The following PRKG1 variants were observed in gnomAD, a reference collection of about 807,000 sequenced individuals.
The protein encoded by PRKG1 is protein kinase cGMP-dependent 1.
PRKG1 carries 35 observed loss-of-function variants against 88.1 expected under a neutral mutation model. That is an observed-to-expected ratio of 0.40 (90% CI 0.30 to 0.53). The LOEUF (loss-of-function observed/expected upper bound fraction) is 0.53, where lower values mean the gene tolerates loss of function less well. Among genes scored for constraint, PRKG1 ranks in the 20% least tolerant of loss-of-function variants. The pLI, the probability that PRKG1 is intolerant of heterozygous loss-of-function variation, is 0.59. For missense variants in PRKG1, 540 were observed against 839.8 expected, an observed-to-expected ratio of 0.64 and a Z score of 4.41; for synonymous variants, 303 against 292.5, an observed-to-expected ratio of 1.04 and a Z score of -0.37.
At chr10:52,084,610 A>G (rs1020375692) in intron 7 of PRKG1, among the ~76,000 whole-genome samples, 1 of 151,974 alleles carries the variant, frequency 6.6e-6, no homozygotes, top group African/African-American at 2.4e-5. Context: ...TTTTTCCTGC[A>G]GTATTTGAGA....
intron 4 of PRKG1, among the ~76,000 whole-genome samples, chr10:51,860,278 A>G (rs1260687761): frequency 6.6e-6 from 1 of 152,208 alleles, no homozygotes; most frequent in African/African-American, 2.4e-5. Flanking sequence ...TGTCGCTCAT[A>G]CCTATGTGTC....
chr10:51,137,288 A>G (rs969295912), intron 1 of PRKG1, among the ~76,000 whole-genome samples: 5 of 152,202 alleles, frequency 3.3e-5, no homozygotes, highest in Non-Finnish European at 7.3e-5. Context: ...GTTTAGGTTT[A>G]ACAAGATCCA....
chr10:51,957,580 A>G (rs1589455531), intron 5 of PRKG1, among the ~76,000 whole-genome samples: 1 of 152,280 alleles, frequency 6.6e-6, no homozygotes, highest in East Asian at 1.9e-4. Flanking sequence ...GGCATAAGCC[A>G]TTGTGCCCAA....
chr10:52,245,625 G>A (rs902617564), intron 9 of PRKG1, among the ~76,000 whole-genome samples: 1 of 151,888 alleles, frequency 6.6e-6, no homozygotes, highest in Non-Finnish European at 1.5e-5. Flanking sequence ...TTTTATTTTC[G>A]TAGTTTTCCC....
At chr10:51,616,204 T>C (rs964202266) in intron 3 of PRKG1, among the ~76,000 whole-genome samples, 2 of 152,210 alleles carry the variant, frequency 1.3e-5, no homozygotes, top group African/African-American at 4.8e-5. Context: ...GTGGCAGTGA[T>C]TGGCTGAGTA....
chr10:52,046,211 C>G (rs527647713), intron 5 of PRKG1, among the ~76,000 whole-genome samples: 1 of 151,962 alleles, frequency 6.6e-6, no homozygotes, highest in Non-Finnish European at 1.5e-5. Flanking sequence ...TGGAGAATGA[C>G]GCAATAAAAA....
At chr10:51,813,939 T>C (rs1839520596) in intron 4 of PRKG1, among the ~76,000 whole-genome samples, 1 of 152,172 alleles carries the variant, frequency 6.6e-6, no homozygotes, top group Non-Finnish European at 1.5e-5. Flanking sequence ...TGACAATGTC[T>C]TAGAATTACA....
At chr10:52,144,185 C>T (rs1322552348) in intron 8 of PRKG1, among the ~76,000 whole-genome samples, 1 of 151,978 alleles carries the variant, frequency 6.6e-6, no homozygotes, top group Non-Finnish European at 1.5e-5. Context: ...TTTAGAAAGA[C>T]CTTTGTACAG....
chr10:52,037,734 G>A (rs1845654253), intron 5 of PRKG1, among the ~76,000 whole-genome samples: 2 of 152,334 alleles, frequency 1.3e-5, no homozygotes, highest in South Asian at 4.1e-4. Context: ...CCAGGTGTGA[G>A]GAGGGGAGGT....
chr10:52,032,534 A>G (rs10823981), intron 5 of PRKG1, among the ~76,000 whole-genome samples: 1 of 151,984 alleles, frequency 6.6e-6, no homozygotes, highest in Admixed American at 6.6e-5. Flanking sequence ...GCAGCTTTTT[A>G]AAATACACCA....
intron 5 of PRKG1, among the ~76,000 whole-genome samples, chr10:51,986,733 T>G (rs769113762): frequency 3.9e-5 from 6 of 152,268 alleles, no homozygotes; most frequent in Admixed American, 1.3e-4. Context: ...TCAGCTGCAG[T>G]GATGTCTCAC....
intron 3 of PRKG1, among the ~76,000 whole-genome samples, chr10:51,554,332 ATATAT>A (rs3086895): frequency 0.27 from 38,409 of 143,352 alleles, 6,931 homozygotes; most frequent in East Asian, 0.87. Context: ...ATATACACAC[ATATAT>A]TATATACACA....
chr10:52,017,981 T>C (rs1382612207), intron 5 of PRKG1, among the ~76,000 whole-genome samples: 4 of 152,202 alleles, frequency 2.6e-5, no homozygotes, highest in Non-Finnish European at 5.9e-5. Flanking sequence ...TCCTATTTTC[T>C]GGGCTGGAGA....
chr10:51,729,865 T>C (rs567503539), intron 3 of PRKG1, among the ~76,000 whole-genome samples: 5 of 152,230 alleles, frequency 3.3e-5, no homozygotes, highest in Admixed American at 3.3e-4. Flanking sequence ...CTTTATTTTG[T>C]AGAGCAGTTT....
At chr10:52,217,513 C>A (rs1428906781) in intron 9 of PRKG1, among the ~76,000 whole-genome samples, 1 of 152,004 alleles carries the variant, frequency 6.6e-6, no homozygotes, top group African/African-American at 2.4e-5. Flanking sequence ...AATATTTTCA[C>A]CCTGTCTTCA....
intron 7 of PRKG1, among the ~76,000 whole-genome samples, chr10:52,109,906 G>T (rs1304238856): frequency 6.6e-6 from 1 of 151,834 alleles, no homozygotes; most frequent in East Asian, 1.9e-4. Flanking sequence ...CATCTTCCCG[G>T]GCCATGTCCT....
At chr10:51,725,422 G>C (rs1391196109) in intron 3 of PRKG1, among the ~76,000 whole-genome samples, 1 of 148,334 alleles carries the variant, frequency 6.7e-6, no homozygotes, top group Non-Finnish European at 1.5e-5. Flanking sequence ...AGGGTAAAAA[G>C]ACACTTAGGC....
intron 3 of PRKG1, among the ~76,000 whole-genome samples, chr10:51,775,848 TG>T (rs1838421495): frequency 6.6e-6 from 1 of 152,158 alleles, no homozygotes; most frequent in Non-Finnish European, 1.5e-5. Flanking sequence ...CCTCCCAAAG[TG>T]CTAGGATTAC....
intron 1 of PRKG1, among the ~76,000 whole-genome samples, chr10:51,084,844 A>C (rs1209617289): frequency 6.6e-6 from 1 of 152,146 alleles, no homozygotes; most frequent in Non-Finnish European, 1.5e-5. Context: ...TGACAAATAC[A>C]CTCTAGTTAA....
Sources: gnomAD v4.1 joint callset for allele counts (sites outside exome capture counted in the v4.1 genomes callset) on GRCh38, gnomAD v4.1.1 for gene constraint, MANE v1.5 for transcripts, NCBI Gene and HGNC (gene_info 2026-07-23, HGNC 2026-07-21) for gene names.